The following ELF1 variants were observed in gnomAD, a reference collection of about 807,000 sequenced individuals.
ELF1 encodes ETS-related transcription factor Elf-1.
ELF1 carries 24 observed loss-of-function variants against 59.9 expected under a neutral mutation model. The ratio of observed to expected loss-of-function variants is 0.40; its 90% CI spans 0.29 to 0.56. The LOEUF is 0.56. ELF1 is among the 20% of genes least tolerant of loss of function. The pLI is 0.44. For synonymous variants in ELF1, 248 were observed against 266.2 expected, an observed-to-expected ratio of 0.93 and a Z score of 0.67; for missense variants, 627 against 742.2, an observed-to-expected ratio of 0.84 and a Z score of 1.80.
At chr13:40,936,615 G>A (rs1232893406) in intron 8 of ELF1, among the ~76,000 whole-genome samples, 2 of 151,956 alleles carry the variant, frequency 1.3e-5, no homozygotes, top group East Asian at 3.9e-4. Flanking sequence ...GCTGGGCATA[G>A]TCGGGTGTGG....
At position 40,939,848 on chromosome 13, in the gene ELF1, G is replaced by A. The variant is rs369423416; in HGVS notation, c.1256+1073C>T. Among the ~76,000 whole-genome samples, 13 of 152,180 alleles carry A rather than the reference G, an allele frequency of 8.5e-5. No homozygotes were observed. The South Asian group carries it at 1.7e-3, about 19-fold the overall frequency. On this transcript the variant is annotated intron_variant, in intron 8 of 8. Transcript: ENST00000239882. ...TTCTGGTCCCAGGCATTTTGGATAA[G>A]GGCTACTCAAGATATACTCCTTTAA...
At chr13:41,014,767 G>A (rs1369947001) in intron 1 of ELF1, among the ~76,000 whole-genome samples, 7 of 152,100 alleles carry the variant, frequency 4.6e-5, no homozygotes, top group African/African-American at 1.7e-4. Context: ...CAATTCAAAT[G>A]AGGGGAATTT....
At chr13:40,983,493 C>T (rs1052782533) in intron 1 of ELF1, among the ~76,000 whole-genome samples, 1 of 152,040 alleles carries the variant, frequency 6.6e-6, no homozygotes, top group Admixed American at 6.5e-5. Flanking sequence ...TGTGATTTTC[C>T]TAGCAAGAAC....
chr13:41,054,873 C>G (rs1401769130), intron 1 of ELF1, among the ~76,000 whole-genome samples: 2 of 152,212 alleles, frequency 1.3e-5, no homozygotes, highest in Non-Finnish European at 1.5e-5. Flanking sequence ...CCTCGTATTA[C>G]CAGAAATCTC....
intron 1 of ELF1, among the ~76,000 whole-genome samples, chr13:40,985,472 A>T (rs1873503220): frequency 6.6e-6 from 1 of 152,186 alleles, no homozygotes; most frequent in African/African-American, 2.4e-5. Context: ...ACTCTCTCTA[A>T]AACTGTAATA....
chr13:40,982,612 T>G (rs1280690955), intron 1 of ELF1, among the ~76,000 whole-genome samples: 1 of 150,110 alleles, frequency 6.7e-6, no homozygotes, highest in Non-Finnish European at 1.5e-5. Flanking sequence ...CAATAAAGGA[T>G]ATATAAACAA....
chr13:41,045,589 G>C lies in ELF1; in HGVS notation c.-229+15249C>G, dbSNP rs540373015. Among the ~76,000 whole-genome samples, 129 of 152,174 alleles carry C rather than the reference G, an allele frequency of 8.5e-4. 1 individual carries two copies. The highest frequency in any genetic ancestry group is 1.6e-3 in the Non-Finnish European group (107 of 68,026). On this transcript the variant is annotated intron_variant, in intron 1 of 1. Transcript: ENST00000405737. ...GAGCAGGTTGTTCAGTTTCCATGTA[G>C]TTTTGAGTGAGTTTCTTAATCCTGA... is the stretch of plus-strand genomic sequence containing the variant.
chr13:41,046,843 T>C (rs1001412437), intron 1 of ELF1, among the ~76,000 whole-genome samples: 4 of 152,206 alleles, frequency 2.6e-5, no homozygotes, highest in Non-Finnish European at 5.9e-5. Flanking sequence ...CCTTGCCAGA[T>C]TGGGGGAGTT....
chr13:40,958,628 A>T (rs918934039), intron 3 of ELF1, among the ~76,000 whole-genome samples: 6 of 152,310 alleles, frequency 3.9e-5, no homozygotes, highest in African/African-American at 1.4e-4. Flanking sequence ...TATATTTAGG[A>T]AAGGAGAAAT....
chr13:40,989,977 A>T (rs777733418), intron 1 of ELF1, among the ~76,000 whole-genome samples: 1 of 152,068 alleles, frequency 6.6e-6, no homozygotes, highest in Admixed American at 6.5e-5. Context: ...CATGCATTTA[A>T]AACTTCTTTA....
chr13:41,021,743 A>G (rs1183271297), upstream of ELF1, among the ~76,000 whole-genome samples: 2 of 152,246 alleles, frequency 1.3e-5, no homozygotes, highest in Non-Finnish European at 2.9e-5. Context: ...AAAAATAGGA[A>G]AACAATCCAG....
chr13:41,039,709 C>T (rs1027221659), intron 1 of ELF1, among the ~76,000 whole-genome samples: 5 of 152,092 alleles, frequency 3.3e-5, no homozygotes, highest in African/African-American at 9.7e-5. Flanking sequence ...GACATGCATG[C>T]TAAAATATTT....
intron 1 of ELF1, among the ~76,000 whole-genome samples, chr13:41,046,113 C>CT (rs1210693797): frequency 6.6e-6 from 1 of 152,190 alleles, no homozygotes; most frequent in Admixed American, 6.6e-5. Flanking sequence ...CAACCCCTAC[C>CT]TTTTTTTGTT....
intron 1 of ELF1, among the ~76,000 whole-genome samples, chr13:41,033,973 T>C (rs924601949): frequency 1.3e-5 from 2 of 152,184 alleles, no homozygotes; most frequent in Admixed American, 6.6e-5. Context: ...ATCCTGATTA[T>C]GGTGATGGTT....
At chr13:40,991,512 A>G (rs1412377254) in intron 1 of ELF1, among the ~76,000 whole-genome samples, 1 of 152,182 alleles carries the variant, frequency 6.6e-6, no homozygotes, top group African/African-American at 2.4e-5. Context: ...CCTGGGCTCA[A>G]GTGATTCTCT....
intron 2 of ELF1, among the ~76,000 whole-genome samples, chr13:40,974,200 T>A (rs1266833814): frequency 1.3e-5 from 2 of 152,206 alleles, no homozygotes; most frequent in Admixed American, 6.5e-5. Context: ...AAGCTGTTTT[T>A]TTTAAAAGGT....
At chr13:41,007,409 C>G (rs1192022901) in intron 1 of ELF1, among the ~76,000 whole-genome samples, 2 of 152,152 alleles carry the variant, frequency 1.3e-5, no homozygotes, top group Admixed American at 6.5e-5. Context: ...TTTGAAGGCA[C>G]ATTCCACATA....
chr13:41,050,940 T>G (rs1415379527), intron 1 of ELF1, among the ~76,000 whole-genome samples: 1 of 152,032 alleles, frequency 6.6e-6, no homozygotes, highest in Non-Finnish European at 1.5e-5. Context: ...TGTACAAGAG[T>G]TTCAGTTTCT....
At chr13:41,012,202 A>C (rs1316044127) in intron 1 of ELF1, among the ~76,000 whole-genome samples, 1 of 150,652 alleles carries the variant, frequency 6.6e-6, no homozygotes, top group Non-Finnish European at 1.5e-5. Flanking sequence ...AATCTCAGCT[A>C]CTTCGGAGGC....
Sources: allele counts gnomAD v4.1 joint callset (sites outside exome capture counted in the v4.1 genomes callset), GRCh38; gene constraint gnomAD v4.1.1; transcripts MANE v1.5; gene names NCBI Gene and HGNC (gene_info 2026-07-23, HGNC 2026-07-21).